The following CHCHD6 variants were observed in gnomAD, a reference collection of about 807,000 sequenced individuals.
CHCHD6 encodes coiled-coil-helix-coiled-coil-helix domain containing 6, also known as MICOS complex subunit MIC25.
CHCHD6 carries 28 observed loss-of-function variants against 32.3 expected under a neutral mutation model. The ratio of observed to expected loss-of-function variants is 0.87; its 90% CI spans 0.64 to 1.19. The LOEUF is 1.19. Among genes scored for constraint, CHCHD6 ranks in the 50% most tolerant of loss-of-function variants. The pLI, the probability that CHCHD6 is intolerant of heterozygous loss-of-function variation, is 0.00. For missense variants in CHCHD6, 333 were observed against 307.0 expected (o/e 1.08, Z -0.63); for synonymous variants, 122 against 117.5 (o/e 1.04, Z -0.25).
chr3:126,760,502 C>T (rs1478403460), intron 4 of CHCHD6, among the ~76,000 whole-genome samples: 1 of 152,192 alleles, frequency 6.6e-6, no homozygotes, highest in Non-Finnish European at 1.5e-5. Context: ...TCCCCCTTTC[C>T]CATATCTTTG....
chr3:126,812,826 T>C (rs1396141722), intron 4 of CHCHD6, among the ~76,000 whole-genome samples: 3 of 152,194 alleles, frequency 2.0e-5, no homozygotes, highest in Non-Finnish European at 4.4e-5. Context: ...GATTTTTACA[T>C]GTGCCTTTGA....
chr3:126,936,442 A>G (rs2107601117), intron 6 of CHCHD6, among the ~76,000 whole-genome samples: 1 of 152,314 alleles, frequency 6.6e-6, no homozygotes, highest in African/African-American at 2.4e-5. Flanking sequence ...CAAAATACAT[A>G]TTGGATTTCA....
intron 4 of CHCHD6, among the ~76,000 whole-genome samples, chr3:126,838,937 G>A (rs1172655152): frequency 6.8e-6 from 1 of 146,764 alleles, no homozygotes; most frequent in East Asian, 2.0e-4. Flanking sequence ...TGCTCAGCCC[G>A]GCATGCAGTG....
At chr3:126,821,463 T>G (rs1940148276) in intron 4 of CHCHD6, among the ~76,000 whole-genome samples, 1 of 151,978 alleles carries the variant, frequency 6.6e-6, no homozygotes, top group Non-Finnish European at 1.5e-5. Context: ...CCTGGCTAAT[T>G]TTTTGTATTT....
chr3:126,843,589 A>G (rs1279796406), intron 4 of CHCHD6, among the ~76,000 whole-genome samples: 1 of 152,172 alleles, frequency 6.6e-6, no homozygotes, highest in African/African-American at 2.4e-5. Context: ...CCATTACTGC[A>G]TTCATCACAT....
intron 4 of CHCHD6, among the ~76,000 whole-genome samples, chr3:126,769,207 G>GT (rs1374117444): frequency 1.3e-5 from 2 of 152,146 alleles, no homozygotes; most frequent in African/African-American, 4.8e-5. Context: ...TGTATGTATT[G>GT]TAAGGTAGGG....
intron 5 of CHCHD6, among the ~76,000 whole-genome samples, chr3:126,868,017 C>T (rs958386689): frequency 7.2e-5 from 11 of 152,182 alleles, no homozygotes; most frequent in African/African-American, 2.4e-4. Flanking sequence ...CTATTCCAGT[C>T]ACACCTGGCA....
At chr3:126,899,213 A>T (rs2077885118) in intron 5 of CHCHD6, among the ~76,000 whole-genome samples, 1 of 152,214 alleles carries the variant, frequency 6.6e-6, no homozygotes, top group Non-Finnish European at 1.5e-5. Context: ...TGATAGGTTT[A>T]ATTACTTTAT....
At chr3:126,796,549 G>C (rs140647935) in intron 4 of CHCHD6, among the ~76,000 whole-genome samples, 59 of 152,182 alleles carry the variant, frequency 3.9e-4, no homozygotes, top group African/African-American at 1.3e-3. Flanking sequence ...TTAAATCTCT[G>C]AGAATTGTCA....
chr3:126,842,268 GC>G (rs1266557593), intron 4 of CHCHD6, among the ~76,000 whole-genome samples: 2 of 152,126 alleles, frequency 1.3e-5, no homozygotes, highest in Admixed American at 1.3e-4. Flanking sequence ...TTAACCCTGG[GC>G]CCATCCCAGA....
At chr3:126,853,661 T>C (rs909916192) in intron 5 of CHCHD6, among the ~76,000 whole-genome samples, 1 of 152,162 alleles carries the variant, frequency 6.6e-6, no homozygotes, top group African/African-American at 2.4e-5. Flanking sequence ...TGTCCACCTT[T>C]GCCGGTGTTT....
At chr3:126,743,928 G>A (rs112408220) in intron 4 of CHCHD6, among the ~76,000 whole-genome samples, 12 of 152,168 alleles carry the variant, frequency 7.9e-5, no homozygotes, top group Admixed American at 6.5e-5. Context: ...CTCCTGGCTC[G>A]CATCAGATGG....
At chr3:126,908,524 C>T (rs897569917) in intron 5 of CHCHD6, among the ~76,000 whole-genome samples, 2 of 152,152 alleles carry the variant, frequency 1.3e-5, no homozygotes, top group Non-Finnish European at 2.9e-5. Flanking sequence ...GGTTCTGACC[C>T]CTATTTCCAT....
intron 4 of CHCHD6, among the ~76,000 whole-genome samples, chr3:126,743,405 G>A (rs912707642): frequency 4.6e-5 from 7 of 152,146 alleles, no homozygotes; most frequent in African/African-American, 7.2e-5. Context: ...TGGCTCAGGC[G>A]ACCTCTGCTG....
At chr3:126,849,140 A>G (rs1188125123) in intron 4 of CHCHD6, among the ~76,000 whole-genome samples, 3 of 152,146 alleles carry the variant, frequency 2.0e-5, no homozygotes, top group Admixed American at 2.0e-4. Flanking sequence ...CCCTCAGTGG[A>G]GGTCTTCAGA....
At chr3:126,829,307 A>C (rs1447176221) in intron 4 of CHCHD6, among the ~76,000 whole-genome samples, 2 of 151,838 alleles carry the variant, frequency 1.3e-5, no homozygotes, top group Non-Finnish European at 2.9e-5. Flanking sequence ...TTTCTGTTTG[A>C]TCTCTAGCCT....
intron 6 of CHCHD6, among the ~76,000 whole-genome samples, chr3:126,942,206 A>G (rs2078570917): frequency 6.6e-6 from 1 of 152,146 alleles, no homozygotes; most frequent in Non-Finnish European, 1.5e-5. Context: ...CTGTCCTACC[A>G]CTAGTGATGC....
At chr3:126,900,431 G>A (rs1297234435) in intron 5 of CHCHD6, among the ~76,000 whole-genome samples, 1 of 152,146 alleles carries the variant, frequency 6.6e-6, no homozygotes, top group Non-Finnish European at 1.5e-5. Context: ...ATAAAGAAAA[G>A]AGGTTTAATT....
At chr3:126,774,664 C>T (rs2107678445) in intron 4 of CHCHD6, among the ~76,000 whole-genome samples, 1 of 152,248 alleles carries the variant, frequency 6.6e-6, no homozygotes, top group East Asian at 1.9e-4. Flanking sequence ...CCTTGCTCTT[C>T]TCTGACACCC....
Sources: allele counts gnomAD v4.1 joint callset (sites outside exome capture counted in the v4.1 genomes callset), GRCh38; gene constraint gnomAD v4.1.1; transcripts MANE v1.5; gene names NCBI Gene and HGNC (gene_info 2026-07-23, HGNC 2026-07-21).